Variants in ADAMTS14 observed in about 807,000 individuals in gnomAD.
The protein encoded by ADAMTS14 is ADAM metallopeptidase with thrombospondin type 1 motif 14, also known as A disintegrin and metalloproteinase with thrombospondin motifs 14.
ADAMTS14 carries 100 observed loss-of-function variants against 128.6 expected under a neutral mutation model. The ratio of observed to expected loss-of-function variants is 0.78; its 90% CI spans 0.66 to 0.92. The LOEUF (loss-of-function observed/expected upper bound fraction) is 0.92, where lower values mean the gene tolerates loss of function less well. Ranked by LOEUF, ADAMTS14 falls within the 40% of genes least tolerant of loss-of-function variation. The pLI is 0.00. For missense variants in ADAMTS14, 1,562 were observed against 1,658.6 expected (o/e 0.94, Z 1.01); for synonymous variants, 665 against 653.8 (o/e 1.02, Z -0.26).
rs749992020 is a variant in ADAMTS14 at position 70,708,816 on chromosome 10, G to A, written c.870+38G>A. On this transcript the variant is annotated intron_variant, in intron 4 of 21. Coordinates refer to ENST00000373207, the MANE Select transcript of ADAMTS14 (RefSeq NM_080722.4). ...GTGTCCTAGGACTTGGGGGGAGTGGGGTGGGGTGGGCCCCACCCCACCCCA... is the reference window on the plus strand; with the variant it reads ...GTGTCCTAGGACTTGGGGGGAGTGGAGTGGGGTGGGCCCCACCCCACCCCA... 26 of 1,371,390 alleles carry A rather than the reference G, an allele frequency of 1.9e-5. 2 individuals carry two copies. In the East Asian group the frequency reaches 2.6e-4, roughly 14 times the overall value. 85.0% of individuals were successfully genotyped at this position (1,371,390 alleles called of 1,614,324 possible).
intron 2 of ADAMTS14, among the ~76,000 whole-genome samples, chr10:70,696,977 G>C (rs764141753): frequency 2.0e-5 from 3 of 152,124 alleles, no homozygotes; most frequent in Non-Finnish European, 2.9e-5. Flanking sequence ...TCCTACAGTG[G>C]AACAGTTTCA....
At position 70,753,858 on chromosome 10, in the gene ADAMTS14, A is replaced by G. The variant is rs1295839038; in HGVS notation, c.2788A>G (p.Thr930Ala). ...GAGCTGTGGGAAGCTGGGGGTGCAG[A>G]CACGGGGGATACAGTGCCTGCTGCC... is the stretch of plus-strand genomic sequence containing the variant. ...SRSCGKLGVQ[T>A]RGIQCLLPLS... Residue 930 changes from threonine to alanine, a missense_variant, in exon 19 of 22, where the codon ACA becomes GCA. Thr to Ala is a moderately conservative substitution (Grantham distance 58, BLOSUM62 0). Coordinates refer to ENST00000373207, the MANE Select transcript of ADAMTS14 (RefSeq NM_080722.4). 6.3e-7 allele frequency: 1 copy of G among 1,594,462 alleles called. No individual in the cohort carries two copies. The highest frequency in any genetic ancestry group is 8.5e-7 in the Non-Finnish European group (1 of 1,171,810).
At chr10:70,745,527 G>A in intron 15 of ADAMTS14, 1 of 587,516 alleles carries the variant, frequency 1.7e-6, no homozygotes, top group East Asian at 3.1e-5. Flanking sequence ...ACCTAGTAAA[G>A]AGTCCCCTTT....
In ADAMTS14 at chr10:70,751,520, T is replaced by C; in HGVS notation, c.2470T>C (p.Tyr824His). ...GGGTGGCCCCCGCAGCAGCCTGGCC[T>C]ACAAGTACGTCATCCATGAGGACCT... ...TEGGPRSSLA[Y>H]KYVIHEDLLP... Residue 824 changes from tyrosine to histidine, a missense_variant, in exon 17 of 22, where the codon TAC (tyrosine) becomes CAC (histidine). Tyr to His is a moderately conservative substitution (Grantham distance 83). Transcript: ENST00000373207. 1 of 1,612,596 alleles carries C rather than the reference T, an allele frequency of 6.2e-7. No individual in the cohort carries two copies. Among genetic ancestry groups the C allele is most frequent in the African/African-American group, 1.3e-5 (1 of 75,006 alleles).
At chr10:70,708,820 G>GGATGGGCCCC in intron 4 of ADAMTS14, 42 bp downstream of exon 4, 1 of 1,344,672 alleles carries the variant, frequency 7.4e-7, no homozygotes, top group Non-Finnish European at 9.9e-7. Context: ...GAGTGGGGTG[G>GGATGGGCCCC]GGTGGGCCCC....
intron 3 of ADAMTS14, among the ~76,000 whole-genome samples, chr10:70,704,370 ACT>A (rs1175298351): frequency 4.0e-5 from 6 of 151,854 alleles, no homozygotes; most frequent in African/African-American, 1.5e-4. Context: ...TCTCCCACAC[ACT>A]GACACCCACA....
At chr10:70,756,636 T>C (rs1259045424) in intron 19 of ADAMTS14, among the ~76,000 whole-genome samples, 5 of 152,208 alleles carry the variant, frequency 3.3e-5, no homozygotes, top group Admixed American at 6.5e-5. Context: ...CACCAACTCA[T>C]TGGCACTAGA....
chr10:70,706,602 G>A (rs1840675975), intron 3 of ADAMTS14, among the ~76,000 whole-genome samples: 1 of 152,218 alleles, frequency 6.6e-6, no homozygotes, highest in African/African-American at 2.4e-5. Context: ...TGAGCTTAGA[G>A]CGGTGCCAGC....
intron 2 of ADAMTS14, among the ~76,000 whole-genome samples, chr10:70,684,558 G>A (rs528881655): frequency 8.5e-5 from 13 of 152,354 alleles, no homozygotes; most frequent in Admixed American, 2.0e-4. Flanking sequence ...GTGATTTGAC[G>A]TCTCTGAGCC....
At chr10:70,686,923 CG>C (rs1839982583) in intron 2 of ADAMTS14, among the ~76,000 whole-genome samples, 1 of 88,978 alleles carries the variant, frequency 1.1e-5, no homozygotes, top group Non-Finnish European at 2.5e-5. Context: ...GCTGGCCGGG[CG>C]GGGGGCTGAC....
intron 4 of ADAMTS14, among the ~76,000 whole-genome samples, chr10:70,720,379 A>G (rs1379979274): frequency 6.6e-6 from 1 of 152,072 alleles, no homozygotes; most frequent in Admixed American, 6.5e-5. Flanking sequence ...GACCTTAAAC[A>G]CCTCACTAGT....
At chr10:70,753,539 C>T (rs771908315) in intron 18 of ADAMTS14, among the ~76,000 whole-genome samples, 1 of 152,194 alleles carries the variant, frequency 6.6e-6, no homozygotes, top group South Asian at 2.1e-4. Context: ...ATAGCTTGCT[C>T]GAGGACATGC....
intron 2 of ADAMTS14, among the ~76,000 whole-genome samples, chr10:70,691,370 A>G (rs1840180299): frequency 7.1e-6 from 1 of 141,408 alleles, no homozygotes; most frequent in African/African-American, 2.5e-5. Context: ...GCACACCTGT[A>G]GTCCCAGCTA....
At position 70,745,240 on chromosome 10, in the gene ADAMTS14, G is replaced by A. The variant is rs777437877; in HGVS notation, c.2197G>A (p.Val733Met). 2 of 1,612,304 alleles carry A rather than the reference G, an allele frequency of 1.2e-6. No individual in the cohort carries two copies. The highest frequency in any genetic ancestry group is 1.7e-6 in the Non-Finnish European group (2 of 1,179,900). ...GTGTGTGGCAGGAGCTCTCAAGCTG[G>A]TGCAGATCCCAGCAGGTGCCAGGCA... is the stretch of plus-strand genomic sequence containing the variant. ...ASKQAGALKL[V>M]QIPAGARHIQ... Residue 733 changes from valine to methionine, a missense_variant, in exon 15 of 22, where the codon GTG (valine) becomes ATG (methionine). Physicochemically the swap from Val to Met is conservative, Grantham distance 21. Transcript: ENST00000373207.
rs1841729288 is a variant in ADAMTS14 at position 70,733,812 on chromosome 10, C to A, written c.1209-73C>A. 6 of 1,510,262 alleles carry A rather than the reference C, an allele frequency of 4.0e-6. No homozygotes were observed. The Admixed American group carries it at 9.7e-5, about 24-fold the overall frequency. 93.6% of individuals were successfully genotyped at this position (1,510,262 alleles called of 1,614,324 possible). A position where few individuals can be genotyped will look rare whatever the true frequency, so the allele number is the denominator to read the frequency against. On this transcript the variant is annotated intron_variant, in intron 7 of 21. Coordinates refer to ENST00000373207, the MANE Select transcript of ADAMTS14 (RefSeq NM_080722.4). Reference sequence around the variant, plus strand: ...TCAGGTCAGGGTCTCCTGCTGCTGGCCTGCCTGCCTGCCTGCCTTCCCGGG... The same window carrying A: ...TCAGGTCAGGGTCTCCTGCTGCTGGACTGCCTGCCTGCCTGCCTTCCCGGG...
At chr10:70,685,497 C>T (rs1036147978) in intron 2 of ADAMTS14, among the ~76,000 whole-genome samples, 7 of 152,182 alleles carry the variant, frequency 4.6e-5, no homozygotes, top group African/African-American at 1.7e-4. Context: ...GAGTTGGAGA[C>T]AGCTGTGGCT....
intron 4 of ADAMTS14, among the ~76,000 whole-genome samples, chr10:70,728,687 C>G (rs1365775388): frequency 6.6e-6 from 1 of 152,250 alleles, no homozygotes; most frequent in East Asian, 1.9e-4. Flanking sequence ...TTCAAACTTG[C>G]CTATGCCTGC....
At position 70,688,852 on chromosome 10, in the gene ADAMTS14, AGGGG is replaced by A. The variant is rs1564521503; in HGVS notation, c.523-13458_523-13455del. On this transcript the variant is annotated intron_variant, in intron 2 of 21. Transcript: ENST00000373207. ...CGCATGAGAGGGAGACCGGAGGGGG[AGGGG>A]GAGGGGGAGGGGGAGGGGGAGGGGG... 4.2e-3 allele frequency among the ~76,000 whole-genome samples: 19 copies of A among 4,540 alleles called. 6 individuals are homozygous for A. Among genetic ancestry groups the A allele is most frequent in the Non-Finnish European group, 5.9e-3 (18 of 3,050 alleles). 3.0% of individuals were successfully genotyped at this position (4,540 alleles called of 152,430 possible).
At chr10:70,733,773 A>G (rs2132681676) in intron 7 of ADAMTS14, 112 bp from the exon 8 acceptor site, 4 of 1,367,260 alleles carry the variant, frequency 2.9e-6, no homozygotes, top group Non-Finnish European at 3.0e-6. Context: ...AGGAAGAGCG[A>G]TCTGAGCTCC....
Sources: allele counts gnomAD v4.1 joint callset (sites outside exome capture counted in the v4.1 genomes callset), GRCh38; gene constraint gnomAD v4.1.1; transcripts MANE v1.5; gene names NCBI Gene and HGNC (gene_info 2026-07-23, HGNC 2026-07-21).